Variants in ANK2 observed in about 807,000 individuals in gnomAD.
ANK2 encodes the protein ankyrin-2.
Under a neutral mutation model 360.5 loss-of-function variants are expected in ANK2, and 83 were observed. The observed-to-expected ratio is 0.23, with a 90% confidence interval of 0.19 to 0.28. ANK2 has a LOEUF of 0.28. Among genes scored for constraint, ANK2 ranks in the 10% least tolerant of loss-of-function variants. The pLI, the probability that ANK2 is intolerant of heterozygous loss-of-function variation, is 1.00. For synonymous variants in ANK2, 1,740 were observed against 1,759.5 expected (o/e 0.99, Z 0.28); for missense variants, 4,201 against 4,795.7 (o/e 0.88, Z 3.66).
intron 1 of ANK2, among the ~76,000 whole-genome samples, chr4:112,900,282 C>T (rs777403450): frequency 7.2e-5 from 11 of 152,104 alleles, no homozygotes; most frequent in Non-Finnish European, 1.3e-4. Context: ...CATTATTACC[C>T]CTCTTTAAGA....
intron 1 of ANK2, among the ~76,000 whole-genome samples, chr4:113,137,526 G>A (rs886480533): frequency 6.6e-6 from 1 of 152,072 alleles, no homozygotes; most frequent in South Asian, 2.1e-4. Context: ...TGGTAGAAAA[G>A]GAAAACATTT....
At chr4:112,941,621 G>A (rs147676305) in intron 2 of ANK2, among the ~76,000 whole-genome samples, 3,021 of 140,756 alleles carry the variant, frequency 0.021, 74 homozygotes, top group African/African-American at 0.058. Context: ...ATATAAATAT[G>A]TAAATGTAAA....
chr4:113,318,913 A>G (rs2084448126), intron 26 of ANK2, among the ~76,000 whole-genome samples: 1 of 152,212 alleles, frequency 6.6e-6, no homozygotes, highest in South Asian at 2.1e-4. Flanking sequence ...CCTTCCTACT[A>G]TTCACGTACT....
chr4:112,832,570 T>C (rs977759801), intron 1 of ANK2, among the ~76,000 whole-genome samples: 27 of 152,338 alleles, frequency 1.8e-4, no homozygotes, highest in African/African-American at 4.1e-4. Flanking sequence ...GTAAAGTTAT[T>C]TGTAGAGTAG....
intron 1 of ANK2, among the ~76,000 whole-genome samples, chr4:113,102,993 A>G (rs1299092863): frequency 2.0e-5 from 3 of 152,196 alleles, no homozygotes; most frequent in Non-Finnish European, 4.4e-5. Context: ...TTAATGCAAC[A>G]TGGTATTTAA....
intron 1 of ANK2, among the ~76,000 whole-genome samples, chr4:112,847,270 A>G (rs7655551): frequency 0.73 from 111,184 of 151,996 alleles, 41,654 homozygotes; most frequent in East Asian, 0.97. Flanking sequence ...ACAAAAACTC[A>G]ACTAGTCGTT....
At chr4:113,086,502 C>T (rs971896959) in intron 1 of ANK2, among the ~76,000 whole-genome samples, 1 of 152,176 alleles carries the variant, frequency 6.6e-6, no homozygotes, top group African/African-American at 2.4e-5. Context: ...TGTTCTAGGG[C>T]TGGAGACACT....
intron 4 of ANK2, among the ~76,000 whole-genome samples, chr4:113,220,955 C>G (rs1265921795): frequency 6.6e-6 from 1 of 152,138 alleles, no homozygotes; most frequent in African/African-American, 2.4e-5. Context: ...GCTGCTTTCA[C>G]GAAGTGTATA....
chr4:112,765,738 CTG>C, the ANK2 span, among the ~76,000 whole-genome samples: 9 of 143,972 alleles, frequency 6.3e-5, no homozygotes, highest in Admixed American at 2.8e-4. Flanking sequence ...ATTCCTAACT[CTG>C]TGTTGTCAGG....
Position 113,355,692 on chromosome 4 carries a change from T to C in ANK2, c.7074T>C (p.Ser2358=). 1 of 1,614,104 alleles carries C rather than the reference T, an allele frequency of 6.2e-7. No homozygotes were observed. The highest frequency in any genetic ancestry group is 1.1e-5 in the South Asian group (1 of 91,078). ...ACDEGQRTFG[S]SAHKTQTDSE... ...ATGAAGGTCAACGTACCTTTGGTAG[T>C]TCAGCCCACAAGACACAAACTGATA... is the stretch of plus-strand genomic sequence containing the variant. Residue 2358 remains serine (S), a synonymous_variant, in exon 38 of 46, where the codon AGT becomes AGC. Coordinates refer to ENST00000357077, the MANE Select transcript of ANK2 (RefSeq NM_001148.6).
chr4:113,021,092 C>T (rs1288095269), intron 2 of ANK2, among the ~76,000 whole-genome samples: 1 of 152,174 alleles, frequency 6.6e-6, no homozygotes, highest in African/African-American at 2.4e-5. Context: ...TGGCTTCTTG[C>T]CTGGGACAGC....
chr4:113,074,148 A>G (rs947180027), intron 1 of ANK2, among the ~76,000 whole-genome samples: 1 of 152,230 alleles, frequency 6.6e-6, no homozygotes, highest in Non-Finnish European at 1.5e-5. Flanking sequence ...GAATAATAAC[A>G]TATTTTGATT....
intron 1 of ANK2, among the ~76,000 whole-genome samples, chr4:112,867,860 T>A (rs1218287642): frequency 6.6e-6 from 1 of 152,214 alleles, no homozygotes; most frequent in Non-Finnish European, 1.5e-5. Context: ...TTACTATAAA[T>A]ATTTGTGTAC....
At chr4:112,955,185 G>A (rs1307638752) in intron 2 of ANK2, among the ~76,000 whole-genome samples, 1 of 152,090 alleles carries the variant, frequency 6.6e-6, no homozygotes, top group Non-Finnish European at 1.5e-5. Flanking sequence ...TATGCTAATA[G>A]TTGCTGTGAT....
At chr4:113,094,086 A>G (rs1043167181) in intron 1 of ANK2, among the ~76,000 whole-genome samples, 1 of 152,184 alleles carries the variant, frequency 6.6e-6, no homozygotes, top group African/African-American at 2.4e-5. Flanking sequence ...TTTTTCAATT[A>G]TTAATGATAA....
At chr4:113,240,878 AAGTC>A (rs1488233980) in intron 8 of ANK2, among the ~76,000 whole-genome samples, 1 of 152,240 alleles carries the variant, frequency 6.6e-6, no homozygotes, top group African/African-American at 2.4e-5. Flanking sequence ...GAATCCTGAT[AAGTC>A]ACGTCAAAAA....
At chr4:112,985,165 A>G (rs2044423304) in intron 2 of ANK2, among the ~76,000 whole-genome samples, 1 of 152,194 alleles carries the variant, frequency 6.6e-6, no homozygotes, top group African/African-American at 2.4e-5. Context: ...AAATTATCTA[A>G]GGGCTTCCCT....
chr4:112,709,578 G>A, the ANK2 span, among the ~76,000 whole-genome samples: 124 of 152,030 alleles, frequency 8.2e-4, no homozygotes, highest in African/African-American at 2.8e-3. Flanking sequence ...GTGAAACCTG[G>A]CCTCTACTAA....
At chr4:113,038,801 C>G (rs895415686) in intron 2 of ANK2, among the ~76,000 whole-genome samples, 2 of 151,968 alleles carry the variant, frequency 1.3e-5, no homozygotes, top group Non-Finnish European at 2.9e-5. Flanking sequence ...TGTGGAGAGG[C>G]CTTGAAGAAT....
Sources: gnomAD v4.1 joint callset for allele counts (sites outside exome capture counted in the v4.1 genomes callset) on GRCh38, gnomAD v4.1.1 for gene constraint, MANE v1.5 for transcripts, NCBI Gene and HGNC (gene_info 2026-07-23, HGNC 2026-07-21) for gene names.